SLC27A4: variants seen among roughly 807,000 people sequenced by gnomAD.
SLC27A4 encodes long-chain fatty acid transport protein 4.
Under a neutral mutation model 64.4 loss-of-function variants are expected in SLC27A4, and 33 were observed. The ratio of observed to expected loss-of-function variants is 0.51; its 90% confidence interval spans 0.39 to 0.68. The LOEUF is 0.68. Ranked by LOEUF, SLC27A4 falls within the 30% of genes least tolerant of loss-of-function variation. SLC27A4 has a pLI of 0.00. For synonymous variants in SLC27A4, 377 were observed against 370.0 expected (o/e 1.02, Z -0.22); for missense variants, 824 against 883.5 (o/e 0.93, Z 0.85).
Position 128,353,557 on chromosome 9 carries a change from G to T in SLC27A4, c.1324+16G>T, listed in dbSNP as rs199569450. 2 of 1,613,108 alleles carry T rather than the reference G, an allele frequency of 1.2e-6. No homozygotes were observed. The highest frequency in any genetic ancestry group is 1.7e-6 in the Non-Finnish European group (2 of 1,179,442). On this transcript the variant is annotated intron_variant, in intron 9 of 12. Coordinates refer to ENST00000300456, the MANE Select transcript of SLC27A4 (RefSeq NM_005094.4). This position sits in a 1 kb window ranked among gnomAD's most constrained non-coding sequence, Gnocchi z 4.9. ...TGCCAGCCAGGTCTGCCACTTCGGGGTCAGAGAGGGAGGGGTTGGCCTGGG... is the reference window on the plus strand; with the variant it reads ...TGCCAGCCAGGTCTGCCACTTCGGGTTCAGAGAGGGAGGGGTTGGCCTGGG...
At position 128,355,194 on chromosome 9, in the gene SLC27A4, GGTCCC is replaced by G. The variant is rs773860933; in HGVS notation, c.1462+5_1462+9del. The G allele has an allele frequency of 3.7e-6, 6 of 1,613,178 alleles. No individual in the cohort carries two copies. The highest frequency in any genetic ancestry group is 1.6e-4 in the Middle Eastern group (1 of 6,078). On this transcript the variant is annotated splice_donor_5th_base_variant and intron_variant, in intron 10 of 12. Coordinates refer to ENST00000300456, the MANE Select transcript of SLC27A4 (RefSeq NM_005094.4). ...GGGGACCAGGCCTACCTTACTGGTG[GGTCCC>G]CAGCCCTTCACAGCCCCTTCCTGAG...
Position 128,350,491 on chromosome 9 carries a change from C to G in SLC27A4, c.793C>G (p.Arg265Gly). 6.2e-7 allele frequency: 1 copy of G among 1,614,040 alleles called. No individual in the cohort carries two copies. Among genetic ancestry groups the G allele is most frequent in the South Asian group, 1.1e-5 (1 of 91,088 alleles). Reference sequence around the variant, plus strand: ...GGCCCTGTGCCTTCCCAGGTATTACCGCATGGCTGCCCTGGTGTACTATGG... The same window carrying G: ...GGCCCTGTGCCTTCCCAGGTATTACGGCATGGCTGCCCTGGTGTACTATGG... Reference protein sequence around the residue: ...AAIVVHSRYYRMAALVYYGFR... With the variant: ...AAIVVHSRYYGMAALVYYGFR... Residue 265 changes from arginine to glycine, a missense_variant, in exon 6 of 13, where the codon CGC (arginine) becomes GGC (glycine). Physicochemically the swap from Arg to Gly is moderately radical, Grantham distance 125 (BLOSUM62 -2). Transcript: ENST00000300456.
chr9:128,353,066 C>T lies in SLC27A4; in HGVS notation c.1029C>T (p.Asn343=). 3 of 1,614,120 alleles carry T rather than the reference C, an allele frequency of 1.9e-6. No individual in the cohort carries two copies. Among genetic ancestry groups the T allele is most frequent in the Non-Finnish European group, 2.5e-6 (3 of 1,179,994 alleles). ...YIGELCRYLL[N]QPPREAENQH... Reference sequence around the variant, plus strand: ...GTGAACTGTGCCGCTACCTCCTGAACCAGCCACCGCGGGAGGCAGAAAACC... The same window carrying T: ...GTGAACTGTGCCGCTACCTCCTGAATCAGCCACCGCGGGAGGCAGAAAACC... Residue 343 remains asparagine (N), a synonymous_variant, in exon 8 of 13, where the codon AAC becomes AAT. Transcript: ENST00000300456. This position sits in a 1 kb window ranked among gnomAD's most constrained non-coding sequence, Gnocchi z 4.9.
chr9:128,345,096 G>A lies in SLC27A4; in HGVS notation c.162-59G>A. ...GCGAGGCAGCAGCCTGGGGTAGGGT[G>A]TCAGGACCCCTCCCTCCCAACCATG... is the stretch of plus-strand genomic sequence containing the variant. On this transcript the variant is annotated intron_variant, in intron 2 of 12. Coordinates refer to ENST00000300456, the MANE Select transcript of SLC27A4 (RefSeq NM_005094.4). The surrounding 1 kb of genome is among the most constrained non-coding windows in gnomAD (Gnocchi z 4.1). 3 of 1,608,272 alleles carry A rather than the reference G, an allele frequency of 1.9e-6. No individual in the cohort carries two copies. Among genetic ancestry groups the A allele is most frequent in the Non-Finnish European group, 2.5e-6 (3 of 1,178,066 alleles).
intron 12 of SLC27A4, among the ~76,000 whole-genome samples, chr9:128,356,970 T>C (rs1832829025): frequency 1.3e-5 from 2 of 151,834 alleles, no homozygotes; most frequent in South Asian, 4.2e-4. Flanking sequence ...GGTGGGCGCC[T>C]GTAGTCCCAG....
In SLC27A4 at chr9:128,345,582, A is replaced by G. The variant is rs756169369; in HGVS notation, c.556+33A>G. 7.6e-6 allele frequency: 12 copies of G among 1,573,190 alleles called. No homozygotes were observed. The Admixed American group carries it at 2.2e-4, about 29-fold the overall frequency. On this transcript the variant is annotated intron_variant, in intron 3 of 12. Transcript: ENST00000300456. This position sits in a 1 kb window ranked among gnomAD's most constrained non-coding sequence, Gnocchi z 4.1. ...CCAAGGGGGCGGGGGACAAGCAGGAACCCCATGGGATCTTACACAGACCAC... is the reference window on the plus strand; with the variant it reads ...CCAAGGGGGCGGGGGACAAGCAGGAGCCCCATGGGATCTTACACAGACCAC...
Position 128,353,075 on chromosome 9 carries a change from G to C in SLC27A4, c.1038G>C (p.Pro346=). ...GCCGCTACCTCCTGAACCAGCCACC[G>C]CGGGAGGCAGAAAACCAGCACCAGG... The part of the protein sequence containing the change: ...ELCRYLLNQP[P]REAENQHQVR... Residue 346 remains proline (P), a synonymous_variant, in exon 8 of 13, where the codon CCG becomes CCC. Coordinates refer to ENST00000300456, the MANE Select transcript of SLC27A4 (RefSeq NM_005094.4). The surrounding 1 kb of genome is among the most constrained non-coding windows in gnomAD (Gnocchi z 4.9). 1.2e-6 allele frequency: 2 copies of C among 1,614,116 alleles called. No individual in the cohort carries two copies. Among genetic ancestry groups the C allele is most frequent in the Non-Finnish European group, 1.7e-6 (2 of 1,180,000 alleles).
rs1373980406 is a variant in SLC27A4, at chr9:128,345,456, C to T, written c.463C>T (p.Leu155Phe). The part of the protein sequence containing the change: ...GMAKLGVEAA[L>F]INTNLRRDAL... ...GGCCAAGCTCGGTGTGGAGGCAGCC[C>T]TCATCAACACCAACCTGCGGCGGGA... Residue 155 changes from leucine to phenylalanine, a missense_variant, in exon 3 of 13, where the codon CTC becomes TTC. Leu to Phe is a conservative substitution (Grantham distance 22, BLOSUM62 0). Transcript: ENST00000300456. This position sits in a 1 kb window ranked among gnomAD's most constrained non-coding sequence, Gnocchi z 4.1. 1 of 1,613,464 alleles carries T rather than the reference C, an allele frequency of 6.2e-7. No individual in the cohort carries two copies. Among genetic ancestry groups the T allele is most frequent in the Admixed American group, 1.7e-5 (1 of 60,008 alleles).
In SLC27A4 at chr9:128,360,509, A is replaced by AG; in HGVS notation, c.*21dup. On this transcript the variant is annotated 3_prime_UTR_variant, in exon 13 of 13. Coordinates refer to ENST00000300456, the MANE Select transcript of SLC27A4 (RefSeq NM_005094.4). ...AGCTGTGATTCCCCCCATCCCTCTG[A>AG]GGGCCGGCGGATGCTGGATCCGGAG... is the stretch of plus-strand genomic sequence containing the variant. The AG allele has an allele frequency of 6.2e-7, 1 of 1,612,948 alleles. No individual in the cohort carries two copies. The highest frequency in any genetic ancestry group is 1.7e-4 in the Middle Eastern group (1 of 5,790).
chr9:128,359,377 A>G (rs1029686846), intron 12 of SLC27A4, among the ~76,000 whole-genome samples: 20 of 152,086 alleles, frequency 1.3e-4, no homozygotes, highest in African/African-American at 4.8e-4. Context: ...TAATCCCAGC[A>G]CTTTGGGAGG....
intron 7 of SLC27A4, 83 bp downstream of exon 7, chr9:128,352,830 G>A (rs1308405138): frequency 8.4e-7 from 1 of 1,188,994 alleles, no homozygotes; most frequent in Non-Finnish European, 1.2e-6. Flanking sequence ...CTGTCTTATA[G>A]CTGAGGTGGC....
At position 128,353,601 on chromosome 9, in the gene SLC27A4, C is replaced by T. The variant is rs1346885255; in HGVS notation, c.1324+60C>T. 38 of 1,581,104 alleles carry T rather than the reference C, an allele frequency of 2.4e-5. No individual in the cohort carries two copies. The highest frequency in any genetic ancestry group is 2.2e-4 in the African/African-American group (16 of 74,318). ...GCCTGGGAAGGAAGGAGGCCAGGCGCGTGTGGATGGGGAGCCTTGTTCTGA... is the reference window on the plus strand; with the variant it reads ...GCCTGGGAAGGAAGGAGGCCAGGCGTGTGTGGATGGGGAGCCTTGTTCTGA... On this transcript the variant is annotated intron_variant, in intron 9 of 12. Coordinates refer to ENST00000300456, the MANE Select transcript of SLC27A4 (RefSeq NM_005094.4). This position sits in a 1 kb window ranked among gnomAD's most constrained non-coding sequence, Gnocchi z 4.9.
intron 2 of SLC27A4, among the ~76,000 whole-genome samples, chr9:128,344,291 G>T (rs1433366277): frequency 4.6e-5 from 7 of 152,142 alleles, no homozygotes; most frequent in Admixed American, 4.6e-4. Context: ...GCCGAAGTGG[G>T]TGGATCACTT....
At chr9:128,342,226 G>A (rs529604331) in intron 1 of SLC27A4, 7 of 1,608,968 alleles carry the variant, frequency 4.4e-6, no homozygotes, top group East Asian at 4.5e-5. Context: ...CTTTTCCTCC[G>A]CAACCATGTC....
At chr9:128,355,285 G>C in intron 10 of SLC27A4, 95 bp downstream of exon 10, 2 of 1,601,274 alleles carry the variant, frequency 1.2e-6, no homozygotes, top group Non-Finnish European at 1.7e-6. Context: ...GACTCCCCCA[G>C]TCCTGGCCCT....
At chr9:128,358,762 A>C (rs1832856794) in intron 12 of SLC27A4, among the ~76,000 whole-genome samples, 1 of 152,094 alleles carries the variant, frequency 6.6e-6, no homozygotes, top group East Asian at 1.9e-4. Flanking sequence ...TAATAATTTA[A>C]ATGTAAATAG....
Position 128,346,752 on chromosome 9 carries a change from C to G in SLC27A4, c.556+1203C>G, listed in dbSNP as rs112777989. Among the ~76,000 whole-genome samples the G allele has an allele frequency of 1.5e-3, 226 of 151,508 alleles. 1 individual carries two copies. Among genetic ancestry groups the G allele is most frequent in the African/African-American group, 5.1e-3 (209 of 41,298 alleles). On this transcript the variant is annotated intron_variant, in intron 3 of 12. Coordinates refer to ENST00000300456, the MANE Select transcript of SLC27A4 (RefSeq NM_005094.4). ...TGTGGTGGCTCATGCCTGTAAATCC[C>G]AGCACTTTAGGAGGTCGAGGTGGGC...
intron 6 of SLC27A4, among the ~76,000 whole-genome samples, 155 bp downstream of exon 6, chr9:128,350,730 C>T (rs140605871): frequency 0.014 from 2,120 of 152,258 alleles, 68 homozygotes; most frequent in African/African-American, 0.049. Context: ...CCAAGGTGGG[C>T]GGATCACTTG....
At position 128,342,839 on chromosome 9, in the gene SLC27A4, T is replaced by C; in HGVS notation, c.-6-288T>C. 5.6e-6 allele frequency: 3 copies of C among 531,748 alleles called. 1 individual carries two copies. In the South Asian group the frequency reaches 6.4e-5, roughly 11 times the overall value. 32.9% of individuals were successfully genotyped at this position (531,748 alleles called of 1,614,324 possible). A position where few individuals can be genotyped will look rare whatever the true frequency, so the allele number is the denominator to read the frequency against. ...CTAAGGTCTAAAATGTGAAAAGGTC[T>C]TGCCCAAGGTCACTTGGAGAATGGT... On this transcript the variant is annotated intron_variant, in intron 1 of 12. Transcript: ENST00000300456.
Sources: gnomAD v4.1 joint callset for allele counts (sites outside exome capture counted in the v4.1 genomes callset) on GRCh38, gnomAD v4.1.1 for gene constraint, Gnocchi (gnomAD v3.1) non-coding constraint, MANE v1.5 for transcripts, NCBI Gene and HGNC (gene_info 2026-07-23, HGNC 2026-07-21) for gene names.